Variants in GRM8 observed in about 807,000 individuals in gnomAD.
The protein encoded by GRM8 is metabotropic glutamate receptor 8.
Under a neutral mutation model 87.2 loss-of-function variants are expected in GRM8, and 47 were observed. The observed-to-expected ratio is 0.54, with a 90% CI of 0.43 to 0.69. The LOEUF is 0.69. GRM8 is among the 30% of genes least tolerant of loss of function. GRM8 has a pLI of 0.00. For missense variants in GRM8, 1,019 were observed against 1,139.2 expected (o/e 0.89, Z 1.52); for synonymous variants, 396 against 404.5 (o/e 0.98, Z 0.25).
intron 3 of GRM8, among the ~76,000 whole-genome samples, chr7:126,921,570 G>A (rs1363135280): frequency 7.2e-5 from 11 of 152,084 alleles, no homozygotes; most frequent in South Asian, 4.1e-4. Context: ...TAAAACACTC[G>A]TGAGTAAAAA....
chr7:127,106,605 C>T lies in GRM8; in HGVS notation c.618G>A (p.Met206Ile), dbSNP rs756922791. Reference sequence around the variant, plus strand: ...ATCCCAGTGCTGTCACGATGTCCACCATGGCTTGGGCTTGGTAGGAGTCAG... The same window carrying T: ...ATCCCAGTGCTGTCACGATGTCCACTATGGCTTGGGCTTGGTAGGAGTCAG... ...VPPDSYQAQA[M>I]VDIVTALGWN... is the part of the protein sequence containing the mutation. Residue 206 changes from methionine to isoleucine, a missense_variant, in exon 3 of 11, where the codon ATG becomes ATA. Met to Ile is a conservative substitution (Grantham distance 10). Coordinates refer to ENST00000339582, the MANE Select transcript of GRM8 (RefSeq NM_000845.3). 3 of 1,614,038 alleles carry T rather than the reference C, an allele frequency of 1.9e-6. No homozygotes were observed. The highest frequency in any genetic ancestry group is 2.5e-6 in the Non-Finnish European group (3 of 1,179,940).
At chr7:126,848,972 T>C (rs968208985) in intron 6 of GRM8, among the ~76,000 whole-genome samples, 1 of 152,110 alleles carries the variant, frequency 6.6e-6, no homozygotes, top group Admixed American at 6.6e-5. Flanking sequence ...CTTACATAGA[T>C]GGAAGCAGGC....
At chr7:126,582,743 T>C (rs932054790) in intron 8 of GRM8, among the ~76,000 whole-genome samples, 1 of 152,172 alleles carries the variant, frequency 6.6e-6, no homozygotes, top group Non-Finnish European at 1.5e-5. Flanking sequence ...AGAATTATGC[T>C]AAATCTAGTT....
At chr7:127,219,877 G>A (rs1400334689) in intron 2 of GRM8, among the ~76,000 whole-genome samples, 2 of 152,110 alleles carry the variant, frequency 1.3e-5, no homozygotes, top group Non-Finnish European at 2.9e-5. Context: ...TGCTGACCTG[G>A]GAGCAAACAG....
At chr7:127,017,103 T>A (rs1055796430) in intron 3 of GRM8, among the ~76,000 whole-genome samples, 10 of 152,090 alleles carry the variant, frequency 6.6e-5, no homozygotes, top group African/African-American at 2.2e-4. Context: ...GAACATCTAA[T>A]CTGTCTTTAC....
intron 2 of GRM8, among the ~76,000 whole-genome samples, chr7:127,108,388 T>C (rs1250490687): frequency 6.6e-6 from 1 of 152,104 alleles, no homozygotes; most frequent in Admixed American, 6.6e-5. Flanking sequence ...CTAACGAAAA[T>C]AAGTCAGCCA....
intron 8 of GRM8, among the ~76,000 whole-genome samples, chr7:126,585,446 T>C (rs957760207): frequency 3.9e-5 from 6 of 152,184 alleles, no homozygotes; most frequent in Non-Finnish European, 7.3e-5. Flanking sequence ...ATTTTATGGA[T>C]ACTATTTATA....
chr7:126,680,681 A>G (rs1238050438), intron 7 of GRM8, among the ~76,000 whole-genome samples: 3 of 152,220 alleles, frequency 2.0e-5, no homozygotes, highest in African/African-American at 7.2e-5. Context: ...ATCATTGTCT[A>G]TCTGCCCTGG....
intron 3 of GRM8, among the ~76,000 whole-genome samples, chr7:127,047,133 A>G (rs1015093814): frequency 6.6e-6 from 1 of 152,098 alleles, no homozygotes; most frequent in Non-Finnish European, 1.5e-5. Flanking sequence ...GCTGTTAAAA[A>G]TTTTTTTTAA....
intron 6 of GRM8, among the ~76,000 whole-genome samples, chr7:126,866,185 A>G (rs1187663848): frequency 6.6e-6 from 1 of 152,116 alleles, no homozygotes; most frequent in Non-Finnish European, 1.5e-5. Context: ...AATGGTGTTG[A>G]GCATCTTTTC....
At chr7:127,223,763 GAT>G (rs1797122391) in intron 2 of GRM8, among the ~76,000 whole-genome samples, 1 of 152,102 alleles carries the variant, frequency 6.6e-6, no homozygotes, top group Admixed American at 6.5e-5. Context: ...CTGGCAGCCA[GAT>G]GGATATGGGT....
intron 6 of GRM8, among the ~76,000 whole-genome samples, chr7:126,845,666 G>A (rs1173356768): frequency 6.6e-6 from 1 of 152,180 alleles, no homozygotes; most frequent in Non-Finnish European, 1.5e-5. Flanking sequence ...ACCACTTCTT[G>A]TGAATGTATA....
intron 3 of GRM8, among the ~76,000 whole-genome samples, chr7:127,071,920 C>T (rs564419324): frequency 2.0e-5 from 3 of 151,616 alleles, no homozygotes; most frequent in African/African-American, 7.3e-5. Context: ...CAGTATTTTC[C>T]CTCTCTACTC....
intron 3 of GRM8, among the ~76,000 whole-genome samples, chr7:127,073,701 C>T (rs1378052372): frequency 6.6e-6 from 1 of 152,112 alleles, no homozygotes; most frequent in South Asian, 2.1e-4. Context: ...TTAGGAGCCA[C>T]TCAGGTTCTC....
intron 9 of GRM8, among the ~76,000 whole-genome samples, chr7:126,477,280 T>G (rs1806030049): frequency 6.6e-6 from 1 of 152,004 alleles, no homozygotes; most frequent in Non-Finnish European, 1.5e-5. Context: ...CATACAAAGT[T>G]TCAGTTATAT....
At chr7:126,893,813 A>G (rs1227528018) in intron 6 of GRM8, among the ~76,000 whole-genome samples, 1 of 151,924 alleles carries the variant, frequency 6.6e-6, no homozygotes, top group African/African-American at 2.4e-5. Flanking sequence ...GTAAGCTCTA[A>G]TCACACTTAG....
chr7:126,726,262 G>A (rs1237512923), intron 7 of GRM8, among the ~76,000 whole-genome samples: 1 of 151,700 alleles, frequency 6.6e-6, no homozygotes, highest in African/African-American at 2.4e-5. Flanking sequence ...CCATTCTAGT[G>A]GCAGTCACAG....
chr7:126,951,495 G>C (rs1033110973), intron 3 of GRM8, among the ~76,000 whole-genome samples: 2 of 151,992 alleles, frequency 1.3e-5, no homozygotes, highest in African/African-American at 2.4e-5. Context: ...TAACAAATAA[G>C]CCTGTTACAA....
chr7:127,248,393 A>G (rs1489226276), intron 1 of GRM8, among the ~76,000 whole-genome samples: 1 of 152,230 alleles, frequency 6.6e-6, no homozygotes, highest in African/African-American at 2.4e-5. Context: ...GACTGCCATT[A>G]TGTTCCTTCC....
Sources: allele counts gnomAD v4.1 joint callset (sites outside exome capture counted in the v4.1 genomes callset), GRCh38; gene constraint gnomAD v4.1.1; transcripts MANE v1.5; gene names NCBI Gene and HGNC (gene_info 2026-07-23, HGNC 2026-07-21).